The following TP53I13 variants were observed in gnomAD, a reference collection of about 807,000 sequenced individuals.
TP53I13 encodes tumor protein p53-inducible protein 13.
TP53I13 carries 27 observed loss-of-function variants against 39.1 expected under a neutral mutation model. The ratio of observed to expected loss-of-function variants is 0.69; its 90% confidence interval spans 0.51 to 0.95. The LOEUF (loss-of-function observed/expected upper bound fraction) is 0.95, where lower values mean the gene tolerates loss of function less well. Ranked by LOEUF, TP53I13 falls within the 40% of genes least tolerant of loss-of-function variation. The probability of loss-of-function intolerance (pLI) is 0.00; values close to 1 mark genes in which losing one functional copy is unlikely to be tolerated. For synonymous variants in TP53I13, 230 were observed against 224.6 expected, an observed-to-expected ratio of 1.02 and a Z score of -0.22; for missense variants, 544 against 520.4, an observed-to-expected ratio of 1.05 and a Z score of -0.44.
chr17:29,571,956 A>C lies in TP53I13; in HGVS notation c.412A>C (p.Arg138=), dbSNP rs754433068. The C allele has an allele frequency of 6.2e-6, 10 of 1,612,976 alleles. No homozygotes were observed. The Admixed American group carries it at 1.5e-4, about 24-fold the overall frequency. ...GATGAGGAGGCGGAGGAGGAAGCAG[A>C]GGAAGAAGAAGGCATGGATCTACTG... ...WLMRRRRRKQ[R]KKKAWIYCES... is the part of the protein sequence containing the mutation. The change falls in exon 5 of 7, where the codon AGG becomes CGG. Residue 138 remains arginine (R), a synonymous_variant. Transcript: ENST00000301057.
downstream of TP53I13, among the ~76,000 whole-genome samples, chr17:29,577,466 G>A (rs566759747): frequency 1.3e-5 from 2 of 152,300 alleles, no homozygotes; most frequent in Admixed American, 6.5e-5. Context: ...CACCGGAGCT[G>A]CTCCCCAAGT....
At position 29,572,395 on chromosome 17, in the gene TP53I13, C is replaced by A; in HGVS notation, c.767C>A (p.Pro256Gln). Residue 256 changes from proline to glutamine, a missense_variant, in exon 6 of 7, where the codon CCG (proline) becomes CAG (glutamine). Coordinates refer to ENST00000301057, the MANE Select transcript of TP53I13 (RefSeq NM_138349.4). ...APSVPTVSLL[P>Q]GAPGGNASSR... ...TCTGTGCCCACTGTCTCCCTGCTGC[C>A]GGGGGCGCCTGGAGGCAATGCCAGC... 1 of 1,595,594 alleles carries A rather than the reference C, an allele frequency of 6.3e-7. No individual in the cohort carries two copies. Among genetic ancestry groups the A allele is most frequent in the Non-Finnish European group, 8.6e-7 (1 of 1,167,142 alleles).
upstream of TP53I13, chr17:29,566,783 C>G (rs1567758192): frequency 7.3e-6 from 11 of 1,511,178 alleles, no homozygotes; most frequent in Non-Finnish European, 7.0e-6. Context: ...GGCTCGCGCC[C>G]GTCGCTGAAC....
intron 6 of TP53I13, 55 bp downstream of exon 6, chr17:29,572,752 C>T: frequency 1.3e-6 from 2 of 1,499,614 alleles, no homozygotes; most frequent in Non-Finnish European, 1.8e-6. Context: ...TCGCGTCGCC[C>T]GCCGCCCCCC....
Position 29,572,364 on chromosome 17 carries a change from GC to G in TP53I13, c.740del (p.Pro247HisfsTer71). 1 of 1,605,536 alleles carries G rather than the reference GC, an allele frequency of 6.2e-7. No individual in the cohort carries two copies. Among genetic ancestry groups the G allele is most frequent in the Non-Finnish European group, 8.5e-7 (1 of 1,174,148 alleles). The part of the protein sequence containing the change: ...MAGIPGRESN[A>X]PSVPTVSLLP... The stretch of plus-strand genomic sequence containing the variant: ...GGGAATCCCTGGTAGGGAGAGTAAT[GC>G]CCCATCTGTGCCCACTGTCTCCCTG... On this transcript the variant is annotated frameshift_variant, in exon 6 of 7. Transcript: ENST00000301057. LOFTEE classifies it high-confidence loss of function.
the TP53I13 span, chr17:29,578,945 C>T: frequency 1.2e-5 from 20 of 1,612,924 alleles, no homozygotes; most frequent in Middle Eastern, 3.3e-4. Flanking sequence ...CCTGCTGCCC[C>T]GGCAGGCACC....
At chr17:29,578,874 G>A in the TP53I13 span, 237 of 1,559,726 alleles carry the variant, frequency 1.5e-4, no homozygotes, top group Non-Finnish European at 1.9e-4. Context: ...CAGGGATCCC[G>A]GGGAGATGGC....
chr17:29,566,530 C>G, upstream of TP53I13: 1 of 1,610,770 alleles, frequency 6.2e-7, no homozygotes, highest in South Asian at 1.1e-5. Context: ...CCGGCGGCCC[C>G]GAACACAAGG....
downstream of TP53I13, chr17:29,574,542 G>C (rs545359898): frequency 1.1e-4 from 78 of 704,692 alleles, 1 homozygote; most frequent in South Asian, 9.8e-4. Context: ...TTAGGGGCTC[G>C]ACAGGGGTGG....
intron 3 of TP53I13, chr17:29,571,071 A>C: frequency 6.4e-6 from 1 of 155,110 alleles, no homozygotes; most frequent in Non-Finnish European, 1.4e-5. Flanking sequence ...AGCAGAGTCC[A>C]GGAGTTCTTT....
chr17:29,579,049 C>G, the TP53I13 span: 17 of 1,475,488 alleles, frequency 1.2e-5, no homozygotes, highest in South Asian at 1.6e-4. Flanking sequence ...TACCCAGGAG[C>G]AGGGCAGCAC....
At chr17:29,579,910 G>A in the TP53I13 span, among the ~76,000 whole-genome samples, 22 of 152,196 alleles carry the variant, frequency 1.4e-4, no homozygotes, top group East Asian at 3.1e-3. Flanking sequence ...GGAACTCTCC[G>A]CTCTCGGGAT....
Position 29,571,723 on chromosome 17 carries a change from T to C in TP53I13, c.312+4T>C, listed in dbSNP as rs2150806182. On this transcript the variant is annotated splice_donor_region_variant and intron_variant, in intron 4 of 6. Transcript: ENST00000301057. ...CTTCAGCCTCACGCAGGATCGGGTA[T>C]GTAGCTGATGAAAGGCGCTTGCCTG... 1.9e-6 allele frequency: 3 copies of C among 1,614,066 alleles called. No homozygotes were observed. In the South Asian group the frequency reaches 3.3e-5, roughly 18 times the overall value.
chr17:29,568,621 G>C (rs1186959429), upstream of TP53I13: 1 of 380,960 alleles, frequency 2.6e-6, no homozygotes, highest in Non-Finnish European at 3.6e-6. The surrounding 1 kb of genome is among the most constrained non-coding windows in gnomAD (Gnocchi z 4.5). Flanking sequence ...TCTGGGGAGG[G>C]GCGCGCGCGA....
downstream of TP53I13, chr17:29,575,964 C>T: frequency 2.0e-6 from 3 of 1,503,918 alleles, no homozygotes; most frequent in African/African-American, 1.4e-5. This position sits in a 1 kb window ranked among gnomAD's most constrained non-coding sequence, Gnocchi z 5.5. Flanking sequence ...ACCAGCAGTG[C>T]AGCAGGGACC....
At chr17:29,567,917 C>T (rs143861178), upstream of TP53I13, 395 of 152,290 alleles carry the variant, frequency 2.6e-3, no homozygotes, top group Non-Finnish European at 4.3e-3. This position sits in a 1 kb window ranked among gnomAD's most constrained non-coding sequence, Gnocchi z 6.6. Context: ...CCCCCCAAAT[C>T]CTGGAGAGGG....
chr17:29,580,677 C>T, the TP53I13 span, among the ~76,000 whole-genome samples: 36 of 152,292 alleles, frequency 2.4e-4, no homozygotes, highest in South Asian at 6.4e-3. Flanking sequence ...ATCTTTTCAG[C>T]GAAGAGCAGA....
chr17:29,571,796 AG>A, intron 4 of TP53I13, 60 bp from the exon 5 acceptor site: 1 of 1,613,094 alleles, frequency 6.2e-7, no homozygotes, highest in Non-Finnish European at 8.5e-7. Flanking sequence ...GGAAAATTCA[AG>A]GGTTTCCTCT....
At chr17:29,581,913 C>T in the TP53I13 span, 7 of 1,568,912 alleles carry the variant, frequency 4.5e-6, no homozygotes, top group South Asian at 1.1e-5. The surrounding 1 kb of genome is among the most constrained non-coding windows in gnomAD (Gnocchi z 4.8). Context: ...CTGCACCCTT[C>T]AGCCGACCCT....
Sources: allele counts gnomAD v4.1 joint callset (sites outside exome capture counted in the v4.1 genomes callset), GRCh38; gene constraint gnomAD v4.1.1; non-coding constraint Gnocchi (gnomAD v3.1); transcripts MANE v1.5; gene names NCBI Gene and HGNC (gene_info 2026-07-23, HGNC 2026-07-21).